MYO1D: variants seen among roughly 807,000 people sequenced by gnomAD.
MYO1D encodes the protein unconventional myosin-Id.
MYO1D carries 83 observed loss-of-function variants against 122.0 expected under a neutral mutation model. The ratio of observed to expected loss-of-function variants is 0.68; its 90% CI spans 0.57 to 0.82. The LOEUF (loss-of-function observed/expected upper bound fraction) is 0.82, where lower values mean the gene tolerates loss of function less well. MYO1D is among the 40% of genes least tolerant of loss of function. The probability of loss-of-function intolerance (pLI) is 0.00; values close to 1 mark genes in which losing one functional copy is unlikely to be tolerated. For missense variants in MYO1D, 1,157 were observed against 1,269.5 expected (o/e 0.91, Z 1.35); for synonymous variants, 464 against 446.9 (o/e 1.04, Z -0.48).
chr17:32,793,323 T>A lies in MYO1D; in HGVS notation c.96-12539A>T, dbSNP rs867772024. 2.5e-3 allele frequency among the ~76,000 whole-genome samples: 377 copies of A among 151,130 alleles called. 6 individuals carry two copies. Among genetic ancestry groups the A allele is most frequent in the African/African-American group, 7.8e-3 (319 of 40,982 alleles). The stretch of plus-strand genomic sequence containing the variant: ...AAAAACTAGGCTTTTTTTTTTTTTT[T>A]AAACTTATTCCCTTCTTGTTCTCAT... On this transcript the variant is annotated intron_variant, in intron 1 of 21. Transcript: ENST00000318217.
intron 21 of MYO1D, among the ~76,000 whole-genome samples, chr17:32,590,335 G>C (rs2087428435): frequency 1.3e-5 from 2 of 152,188 alleles, no homozygotes; most frequent in South Asian, 4.1e-4. Flanking sequence ...TAGACTTGAA[G>C]ACCCAACTGG....
chr17:32,689,220 G>C (rs1372190167), intron 16 of MYO1D, among the ~76,000 whole-genome samples: 1 of 147,698 alleles, frequency 6.8e-6, no homozygotes, highest in East Asian at 1.9e-4. Flanking sequence ...ACAGTACTTT[G>C]TTTGTAAACC....
chr17:32,741,224 T>TAAA lies in MYO1D; in HGVS notation c.1614-2842_1614-2840dup, dbSNP rs58505921. On this transcript the variant is annotated intron_variant, in intron 13 of 21. Coordinates refer to ENST00000318217, the MANE Select transcript of MYO1D (RefSeq NM_015194.3). ...GGCTGGGCGACTGGGATACCACTTC[T>TAAA]AAAAAAAAAAAAAAAAAGAAAAGAA... Among the ~76,000 whole-genome samples, 528 of 100,270 alleles carry TAAA rather than the reference T, an allele frequency of 5.3e-3. 2 individuals carry two copies. The highest frequency in any genetic ancestry group is 0.018 in the African/African-American group (499 of 27,366). 65.8% of individuals were successfully genotyped at this position (100,270 alleles called of 152,430 possible).
intron 1 of MYO1D, among the ~76,000 whole-genome samples, chr17:32,822,328 A>T (rs1201107722): frequency 6.8e-6 from 1 of 145,998 alleles, no homozygotes; most frequent in African/African-American, 2.5e-5. Flanking sequence ...GAACAATGAG[A>T]ACACTTGGAC....
At chr17:32,854,804 T>C (rs895193261) in intron 1 of MYO1D, among the ~76,000 whole-genome samples, 1 of 152,234 alleles carries the variant, frequency 6.6e-6, no homozygotes. Context: ...TCCGTAACTA[T>C]AGCTACAGAA....
chr17:32,849,342 G>A (rs1294013965), intron 1 of MYO1D, among the ~76,000 whole-genome samples: 1 of 148,252 alleles, frequency 6.7e-6, no homozygotes, highest in East Asian at 1.9e-4. Flanking sequence ...TATAAATCAT[G>A]CTGCTATAAA....
chr17:32,544,685 C>T (rs1298677218), intron 21 of MYO1D, among the ~76,000 whole-genome samples: 1 of 152,132 alleles, frequency 6.6e-6, no homozygotes, highest in Non-Finnish European at 1.5e-5. Context: ...GGTATACTTG[C>T]ATATAGAAAA....
At chr17:32,784,082 A>T (rs1429554408) in intron 1 of MYO1D, among the ~76,000 whole-genome samples, 1 of 152,248 alleles carries the variant, frequency 6.6e-6, no homozygotes, top group East Asian at 1.9e-4. Flanking sequence ...GACAAAGATT[A>T]TCCCAATAAA....
At chr17:32,540,173 C>T (rs955260565) in intron 21 of MYO1D, among the ~76,000 whole-genome samples, 10 of 151,602 alleles carry the variant, frequency 6.6e-5, no homozygotes, top group African/African-American at 1.7e-4. Flanking sequence ...GATGAAACCC[C>T]GTCTCCACTA....
chr17:32,780,434 C>T (rs1298252014), intron 2 of MYO1D, 142 bp downstream of exon 2: 4 of 738,444 alleles, frequency 5.4e-6, no homozygotes, highest in East Asian at 5.2e-5. Context: ...TGGTATTTAA[C>T]GTTCATCACT....
chr17:32,677,576 GATAAAT>G lies in MYO1D; in HGVS notation c.2122-18244_2122-18239del, dbSNP rs1320132504. On this transcript the variant is annotated intron_variant, in intron 16 of 21. Coordinates refer to ENST00000318217, the MANE Select transcript of MYO1D (RefSeq NM_015194.3). ...GAAGTCATCAGGGGATATATAGATAGATAAATATATATATATATATATATATATATA... is the reference window on the plus strand; with the variant it reads ...GAAGTCATCAGGGGATATATAGATAGATATATATATATATATATATATATA... Among the ~76,000 whole-genome samples the G allele has an allele frequency of 1.2e-3, 114 of 98,974 alleles. 1 individual carries two copies. Among genetic ancestry groups the G allele is most frequent in the African/African-American group, 3.3e-3 (82 of 25,194 alleles). 64.9% of individuals were successfully genotyped at this position (98,974 alleles called of 152,430 possible). A position where few individuals can be genotyped will look rare whatever the true frequency, so the allele number is the denominator to read the frequency against.
chr17:32,585,369 G>A (rs1013704882), intron 21 of MYO1D, among the ~76,000 whole-genome samples: 39 of 152,206 alleles, frequency 2.6e-4, no homozygotes, highest in African/African-American at 8.2e-4. Context: ...ATTGTTGCAT[G>A]GGGATTTTTT....
Position 32,539,276 on chromosome 17 carries a change from TACACACACACACACACAC to T in MYO1D, c.2865-44379_2865-44362del, listed in dbSNP as rs5819986. Among the ~76,000 whole-genome samples, 12 of 133,514 alleles carry T rather than the reference TACACACACACACACACAC, an allele frequency of 9.0e-5. No homozygotes were observed. In the East Asian group the frequency reaches 1.6e-3, roughly 18 times the overall value. 87.6% of individuals were successfully genotyped at this position (133,514 alleles called of 152,430 possible). On this transcript the variant is annotated intron_variant, in intron 21 of 21. Transcript: ENST00000318217. The stretch of plus-strand genomic sequence containing the variant: ...AGGTGACGTAGGAAGACCCTGTCTC[TACACACACACACACACAC>T]ACACACACACACACACACACACACA...
At chr17:32,590,842 G>A (rs940418036) in intron 21 of MYO1D, among the ~76,000 whole-genome samples, 7 of 152,140 alleles carry the variant, frequency 4.6e-5, no homozygotes, top group Non-Finnish European at 1.0e-4. Context: ...TACCTCACAG[G>A]AAGATCTCTG....
In MYO1D at chr17:32,506,936, G is replaced by A. The variant is rs1909521330; in HGVS notation, c.2865-12021C>T. On this transcript the variant is annotated intron_variant, in intron 21 of 21. Coordinates refer to ENST00000318217, the MANE Select transcript of MYO1D (RefSeq NM_015194.3). Reference sequence around the variant, plus strand: ...TTTGAGGCTGTAATGGGCTATGATTGTGCCATTGCACTCCAGGCCAAGCAA... The same window carrying A: ...TTTGAGGCTGTAATGGGCTATGATTATGCCATTGCACTCCAGGCCAAGCAA... Among the ~76,000 whole-genome samples, 7 of 152,312 alleles carry A rather than the reference G, an allele frequency of 4.6e-5. No individual in the cohort carries two copies. The South Asian group carries it at 1.4e-3, about 32-fold the overall frequency.
In MYO1D at chr17:32,778,552, G is replaced by C; in HGVS notation, c.326C>G (p.Thr109Arg). 3 of 1,613,888 alleles carry C rather than the reference G, an allele frequency of 1.9e-6. No individual in the cohort carries two copies. The highest frequency in any genetic ancestry group is 2.5e-6 in the Non-Finnish European group (3 of 1,179,840). The change falls in exon 3 of 22, where the codon ACG becomes AGG. Residue 109 changes from threonine (T) to arginine (R), a missense_variant. Coordinates refer to ENST00000318217, the MANE Select transcript of MYO1D (RefSeq NM_015194.3). ...VISGESGAGK[T>R]EASKYIMQYI... ...CTGCATAATGTACTTACTGGCTTCC[G>C]TTTTACCAGCTCCACTTTCCCCTGG...
chr17:32,865,371 A>T (rs1275008242), intron 1 of MYO1D, among the ~76,000 whole-genome samples: 1 of 151,366 alleles, frequency 6.6e-6, no homozygotes, highest in African/African-American at 2.4e-5. Context: ...AGATTAAGCC[A>T]TTTTTTTTTG....
chr17:32,832,007 G>C (rs557848417), intron 1 of MYO1D, among the ~76,000 whole-genome samples: 85 of 152,218 alleles, frequency 5.6e-4, no homozygotes, highest in African/African-American at 2.0e-3. Context: ...TGTAATTTTG[G>C]TCATCATCTC....
Position 32,721,051 on chromosome 17 carries a change from G to A in MYO1D, c.1885C>T (p.Arg629Cys), listed in dbSNP as rs747274916. The change falls in exon 15 of 22, where the codon CGC becomes TGC. Residue 629 changes from arginine (R) to cysteine (C), a missense_variant. Transcript: ENST00000318217. ...TGAAGAAACTTCTCGTATGTCTGGCGGAAGGCAAATCCTGCCCGACGCACT... is the reference window on the plus strand; with the variant it reads ...TGAAGAAACTTCTCGTATGTCTGGCAGAAGGCAAATCCTGCCCGACGCACT... ...VRVRRAGFAF[R>C]QTYEKFLHRY... is the part of the protein sequence containing the mutation. 12 of 1,614,070 alleles carry A rather than the reference G, an allele frequency of 7.4e-6. No individual in the cohort carries two copies. In the Admixed American group the frequency reaches 1.0e-4, roughly 13 times the overall value.
Sources: gnomAD v4.1 joint callset for allele counts (sites outside exome capture counted in the v4.1 genomes callset) on GRCh38, gnomAD v4.1.1 for gene constraint, MANE v1.5 for transcripts, NCBI Gene and HGNC (gene_info 2026-07-23, HGNC 2026-07-21) for gene names.